The following PHF11 variants were observed in gnomAD, a reference collection of about 807,000 sequenced individuals.
PHF11 encodes the protein PHD finger protein 11, also known as BRCA1 C-terminus-associated protein.
PHF11 carries 38 observed loss-of-function variants against 40.5 expected under a neutral mutation model. The observed-to-expected ratio is 0.94, with a 90% CI of 0.72 to 1.23. The LOEUF is 1.23. Among genes scored for constraint, PHF11 ranks in the 50% most tolerant of loss-of-function variants. PHF11 has a pLI of 0.00. For synonymous variants in PHF11, 127 were observed against 138.2 expected (o/e 0.92, Z 0.57); for missense variants, 369 against 392.4 (o/e 0.94, Z 0.50).
chr13:49,522,758 GGTTT>G (rs773536895), intron 6 of PHF11, among the ~76,000 whole-genome samples: 3 of 35,818 alleles, frequency 8.4e-5, no homozygotes, highest in Non-Finnish European at 2.3e-4. Flanking sequence ...ATGAATATGG[GGTTT>G]TTTTGTTTTT....
intron 3 of PHF11, among the ~76,000 whole-genome samples, chr13:49,517,488 T>A (rs971951573): frequency 5.9e-5 from 9 of 152,230 alleles, no homozygotes; most frequent in Admixed American, 3.3e-4. Flanking sequence ...GTAGAATTTT[T>A]AAAAATTTTT....
chr13:49,501,011 T>TG (rs1188515169), intron 1 of PHF11, among the ~76,000 whole-genome samples: 2 of 118,222 alleles, frequency 1.7e-5, no homozygotes, highest in Non-Finnish European at 3.4e-5. Context: ...TTTTTTTTTT[T>TG]TTTTGGTTTT....
chr13:49,497,570 TTC>T (rs1283042015), intron 1 of PHF11, among the ~76,000 whole-genome samples: 1 of 152,218 alleles, frequency 6.6e-6, no homozygotes, highest in Non-Finnish European at 1.5e-5. Flanking sequence ...CATCATGATC[TTC>T]TGTCTGGACT....
chr13:49,523,108 A>G, intron 6 of PHF11, 67 bp from the exon 7 acceptor site: 1 of 1,110,456 alleles, frequency 9.0e-7, no homozygotes, highest in African/African-American at 1.5e-5. Flanking sequence ...TATGCACAGC[A>G]AAAGACTGGT....
At chr13:49,503,242 C>T (rs1170276051) in intron 1 of PHF11, among the ~76,000 whole-genome samples, 5 of 152,108 alleles carry the variant, frequency 3.3e-5, no homozygotes, top group Non-Finnish European at 7.3e-5. Context: ...CCCCAACCCA[C>T]CCCACCTTTC....
intron 9 of PHF11, among the ~76,000 whole-genome samples, chr13:49,527,617 A>T (rs1959362834): frequency 6.6e-6 from 1 of 152,216 alleles, no homozygotes; most frequent in African/African-American, 2.4e-5. Context: ...CTGCTAATAT[A>T]TAGCAGTATC....
chr13:49,521,909 C>T (rs1308906464), intron 5 of PHF11, 134 bp from the exon 6 acceptor site: 1 of 506,874 alleles, frequency 2.0e-6, no homozygotes, highest in Non-Finnish European at 3.6e-6. Context: ...ATAAGTGCTG[C>T]AAACACTTAG....
intron 2 of PHF11, among the ~76,000 whole-genome samples, chr13:49,507,022 GCC>G (rs1183266010): frequency 6.8e-6 from 1 of 147,074 alleles, no homozygotes; most frequent in Non-Finnish European, 1.5e-5. Context: ...TCCTGCCTCA[GCC>G]TCCCGAGTAG....
intron 1 of PHF11, among the ~76,000 whole-genome samples, chr13:49,506,053 G>A (rs1358777650): frequency 6.6e-6 from 1 of 152,054 alleles, no homozygotes; most frequent in Non-Finnish European, 1.5e-5. Context: ...GCAGTGTTTT[G>A]AGAGGTTTGC....
chr13:49,520,522 C>A (rs1027584398), intron 4 of PHF11, among the ~76,000 whole-genome samples: 1 of 152,160 alleles, frequency 6.6e-6, no homozygotes, highest in African/African-American at 2.4e-5. Flanking sequence ...TTGTTGAAAA[C>A]CAGCAGAATC....
Position 49,517,920 on chromosome 13 carries a change from C to A in PHF11, c.325-98C>A. On this transcript the variant is annotated intron_variant, in intron 3 of 9. Coordinates refer to ENST00000378319, the MANE Select transcript of PHF11 (RefSeq NM_001040443.3). ...TGCTGATGATGCCCAGGATAAAATG[C>A]AGGGCTTCTGGAACTTAAATAACAT... 5.9e-6 allele frequency: 4 copies of A among 673,662 alleles called. No homozygotes were observed. The South Asian group carries it at 8.7e-5, about 15-fold the overall frequency. The allele number at this position is 673,662 out of a possible 1,614,324, so 41.7% of individuals were successfully genotyped here. A position where few individuals can be genotyped will look rare whatever the true frequency, so the allele number is the denominator to read the frequency against.
chr13:49,509,958 T>C (rs1959061106), intron 2 of PHF11, among the ~76,000 whole-genome samples: 1 of 152,234 alleles, frequency 6.6e-6, no homozygotes, highest in East Asian at 1.9e-4. Context: ...AATTTTGTTA[T>C]ACTACTACCG....
intron 2 of PHF11, among the ~76,000 whole-genome samples, chr13:49,512,414 T>G (rs1413074694): frequency 1.3e-5 from 2 of 152,232 alleles, no homozygotes; most frequent in Non-Finnish European, 2.9e-5. Flanking sequence ...TTTCTGATTT[T>G]TATAAGAAAT....
chr13:49,522,166 C>T, intron 6 of PHF11, 59 bp downstream of exon 6: 1 of 825,622 alleles, frequency 1.2e-6, no homozygotes, highest in Non-Finnish European at 2.0e-6. Flanking sequence ...TTATTTAAAC[C>T]AGTCTGAATG....
intron 1 of PHF11, chr13:49,496,348 C>A: frequency 9.0e-7 from 1 of 1,105,654 alleles, no homozygotes; most frequent in Non-Finnish European, 1.1e-6. Context: ...CATGGTTTCG[C>A]GCGAGTGGTG....
intron 5 of PHF11, chr13:49,521,283 A>G: frequency 9.9e-7 from 1 of 1,007,614 alleles, no homozygotes; most frequent in Non-Finnish European, 1.2e-6. Context: ...AAAGTGCTGC[A>G]CCTTCCCTGA....
intron 3 of PHF11, among the ~76,000 whole-genome samples, chr13:49,517,054 GTA>G (rs1005006379): frequency 5.9e-5 from 9 of 152,160 alleles, no homozygotes; most frequent in African/African-American, 2.2e-4. Context: ...TTATTCAGGA[GTA>G]TATTGTGAGG....
chr13:49,524,578 G>T (rs560136746), intron 8 of PHF11, among the ~76,000 whole-genome samples: 1 of 151,526 alleles, frequency 6.6e-6, no homozygotes, highest in Admixed American at 6.6e-5. Context: ...AAGTTCAAGC[G>T]ATTTTCCTGT....
intron 6 of PHF11, among the ~76,000 whole-genome samples, chr13:49,522,684 TGTCA>T (rs1959193963): frequency 6.6e-6 from 1 of 152,104 alleles, no homozygotes; most frequent in East Asian, 1.9e-4. Flanking sequence ...AAGGGGTGCT[TGTCA>T]AACACCTCTT....
Sources: allele counts gnomAD v4.1 joint callset (sites outside exome capture counted in the v4.1 genomes callset), GRCh38; gene constraint gnomAD v4.1.1; transcripts MANE v1.5; gene names NCBI Gene and HGNC (gene_info 2026-07-23, HGNC 2026-07-21).